GLT1D1: variants seen among roughly 807,000 people sequenced by gnomAD.
GLT1D1 encodes the protein glycosyltransferase 1 domain containing 1, also known as glycosyltransferase 1 domain-containing protein 1.
In GLT1D1, 21 loss-of-function variants were observed where a neutral mutation model predicts 28.7. The ratio of observed to expected loss-of-function variants is 0.73; its 90% CI spans 0.52 to 1.05. The LOEUF is 1.05. GLT1D1 is among the 50% of genes least tolerant of loss of function. The pLI, the probability that GLT1D1 is intolerant of heterozygous loss-of-function variation, is 0.00. For missense variants in GLT1D1, 343 were observed against 330.6 expected (o/e 1.04, Z -0.29); for synonymous variants, 147 against 124.8 (o/e 1.18, Z -1.19).
rs1475096716 is a variant in GLT1D1, at chr12:128,984,925, T to G, written c.*1835T>G. 1.3e-5 allele frequency: 2 copies of G among 152,174 alleles called. No homozygotes were observed. Among genetic ancestry groups the G allele is most frequent in the Non-Finnish European group, 2.9e-5 (2 of 68,034 alleles). 9.4% of individuals were successfully genotyped at this position (152,174 alleles called of 1,614,324 possible). A position where few individuals can be genotyped will look rare whatever the true frequency, so the allele number is the denominator to read the frequency against. ...CCTCACGCACTATGTGGGAAGGGCG[T>G]GTTTTTAAATTAATAAAGTGTGTCA... On this transcript the variant is annotated 3_prime_UTR_variant, in exon 8 of 8. Coordinates refer to ENST00000281703, the MANE Select transcript of GLT1D1 (RefSeq NM_144669.3).
intron 4 of GLT1D1, among the ~76,000 whole-genome samples, chr12:128,942,771 G>A (rs1875486484): frequency 9.5e-6 from 1 of 105,174 alleles, no homozygotes; most frequent in Admixed American, 1.0e-4. Context: ...TTTTTTTTGA[G>A]ACAGAGTCTC....
At chr12:128,919,966 TCTCTCTCTCTCTCTCTCTCTCTCTCCCC>T (rs1482971802) in intron 4 of GLT1D1, among the ~76,000 whole-genome samples, 162 of 11,620 alleles carry the variant, frequency 0.014, 3 homozygotes, top group East Asian at 0.03. Flanking sequence ...TCTCTCTCTC[TCTCTCTCTCTCTCTCTCTCTCTCTCCCC>T]CTCCATCTCT....
intron 3 of GLT1D1, among the ~76,000 whole-genome samples, 172 bp from the exon 4 acceptor site, chr12:128,899,064 A>G (rs1158459991): frequency 2.0e-5 from 3 of 152,146 alleles, no homozygotes; most frequent in Admixed American, 6.5e-5. Flanking sequence ...CTTTTTTTTG[A>G]TGTGAGTTGA....
chr12:128,872,702 T>C (rs1363744520), intron 1 of GLT1D1, among the ~76,000 whole-genome samples: 1 of 152,086 alleles, frequency 6.6e-6, no homozygotes, highest in Non-Finnish European at 1.5e-5. Context: ...CAGGTTTTAA[T>C]CAGAAAAGAG....
At chr12:128,974,430 C>T (rs903903831) in intron 7 of GLT1D1, among the ~76,000 whole-genome samples, 10 of 152,160 alleles carry the variant, frequency 6.6e-5, no homozygotes, top group Non-Finnish European at 1.0e-4. Flanking sequence ...GGTTCTCCGA[C>T]GGTCAGTGAC....
intron 4 of GLT1D1, among the ~76,000 whole-genome samples, chr12:128,908,361 T>TTTC (rs1555266884): frequency 4.2e-5 from 5 of 120,052 alleles, no homozygotes; most frequent in South Asian, 3.0e-4. Flanking sequence ...TCTTTCTTTC[T>TTTC]TTTCTTTCTT....
At chr12:128,871,102 C>T (rs761454954) in intron 1 of GLT1D1, among the ~76,000 whole-genome samples, 7 of 152,134 alleles carry the variant, frequency 4.6e-5, no homozygotes, top group Non-Finnish European at 8.8e-5. Flanking sequence ...GTCATGAGTC[C>T]CTCAGGAATG....
In GLT1D1 at chr12:128,942,735, G is replaced by GTTTTTTTTTTTTTTTTTTTTTTTT. The variant is rs1397894974; in HGVS notation, c.376-2588_376-2587insTTTTTTTTTTTTTTTTTTTTTTTT. 2.1e-4 allele frequency among the ~76,000 whole-genome samples: 19 copies of GTTTTTTTTTTTTTTTTTTTTTTTT among 89,552 alleles called. 5 individuals are homozygous for GTTTTTTTTTTTTTTTTTTTTTTTT. Among genetic ancestry groups the GTTTTTTTTTTTTTTTTTTTTTTTT allele is most frequent in the African/African-American group, 8.2e-4 (19 of 23,152 alleles). The allele number at this position is 89,552 out of a possible 152,430, so 58.7% of individuals were successfully genotyped here. On this transcript the variant is annotated intron_variant, in intron 4 of 7. Coordinates refer to ENST00000281703, the MANE Select transcript of GLT1D1 (RefSeq NM_144669.3). The stretch of plus-strand genomic sequence containing the variant: ...ATCACTTTAGATTCCAATTTTCTTT[G>GTTTTTTTTTTTTTTTTTTTTTTTT]TTTGTTTGTTTTTGTTTTTTGTTTT...
intron 4 of GLT1D1, among the ~76,000 whole-genome samples, chr12:128,905,843 T>G (rs1299904789): frequency 1.3e-5 from 2 of 151,802 alleles, no homozygotes; most frequent in East Asian, 3.9e-4. Flanking sequence ...TTTTTTTTCT[T>G]TATTAAAGGA....
Position 128,960,661 on chromosome 12 carries a change from G to T in GLT1D1, c.639+3018G>T, listed in dbSNP as rs77539294. On this transcript the variant is annotated intron_variant, in intron 7 of 7. Coordinates refer to ENST00000281703, the MANE Select transcript of GLT1D1 (RefSeq NM_144669.3). ...AATCCTGGCTACATGGGAGGGTGAG[G>T]CAGGAGAATCACTTGAACCTAGGAG... 4.1e-3 allele frequency among the ~76,000 whole-genome samples: 617 copies of T among 152,002 alleles called. 9 individuals are homozygous for T. Among genetic ancestry groups the T allele is most frequent in the African/African-American group, 0.014 (565 of 41,434 alleles).
chr12:128,898,761 C>T lies in GLT1D1; in HGVS notation c.324-475C>T, dbSNP rs540321059. Among the ~76,000 whole-genome samples, 5 of 152,300 alleles carry T rather than the reference C, an allele frequency of 3.3e-5. No individual in the cohort carries two copies. In the South Asian group the frequency reaches 1.0e-3, roughly 32 times the overall value. ...TACCTTGTTTTCTTAGTTTTGAGAT[C>T]CCTTGTGCATTTCCTAAAGAAGCAA... On this transcript the variant is annotated intron_variant, in intron 3 of 7. Coordinates refer to ENST00000281703, the MANE Select transcript of GLT1D1 (RefSeq NM_144669.3).
rs939358188 is a variant in GLT1D1, at chr12:128,945,101, G to T, written c.376-225G>T. 30 of 700,562 alleles carry T rather than the reference G, an allele frequency of 4.3e-5. No individual in the cohort carries two copies. The Admixed American group carries it at 5.9e-4, about 14-fold the overall frequency. 43.4% of individuals were successfully genotyped at this position (700,562 alleles called of 1,614,324 possible). ...TCCCGGAGCAGGTCCCCGCTGGAAA[G>T]GTGCTTTAGCTCGAAGTATTGAGTG... On this transcript the variant is annotated intron_variant, in intron 4 of 7. Coordinates refer to ENST00000281703, the MANE Select transcript of GLT1D1 (RefSeq NM_144669.3).
chr12:128,962,505 G>A (rs192594903), intron 7 of GLT1D1, among the ~76,000 whole-genome samples: 1 of 152,286 alleles, frequency 6.6e-6, no homozygotes, highest in Admixed American at 6.5e-5. Context: ...TGTGGCCTGT[G>A]CTGGGCAGGA....
intron 4 of GLT1D1, among the ~76,000 whole-genome samples, chr12:128,908,865 C>A (rs1871231909): frequency 6.6e-6 from 1 of 152,226 alleles, no homozygotes; most frequent in Admixed American, 6.5e-5. Flanking sequence ...AGGAGAATGG[C>A]GTGAACCCGG....
chr12:128,912,329 C>CTT, intron 4 of GLT1D1, 95 bp from the exon 5 acceptor site: 5 of 741,342 alleles, frequency 6.7e-6, no homozygotes, highest in Non-Finnish European at 8.7e-6. Flanking sequence ...TCCAGGACGG[C>CTT]TTTTTTTGTT....
intron 7 of GLT1D1, among the ~76,000 whole-genome samples, chr12:128,976,540 A>G (rs1879780937): frequency 6.6e-6 from 1 of 152,212 alleles, no homozygotes. Flanking sequence ...TCCCATCGAC[A>G]AGCTGTCGTA....
rs116906122 is a variant in GLT1D1 at position 128,870,534 on chromosome 12, T to C, written c.69-5380T>C. Among the ~76,000 whole-genome samples the C allele has an allele frequency of 6.6e-3, 1,006 of 152,274 alleles. 11 individuals carry two copies. The highest frequency in any genetic ancestry group is 0.044 in the East Asian group (228 of 5,180). On this transcript the variant is annotated intron_variant, in intron 1 of 7. Transcript: ENST00000281703. ...GTGCTTAGTGAATTTATTAGTTGAA[T>C]TGAATTATTACTTGACAGAAGGAGA...
At position 128,960,265 on chromosome 12, in the gene GLT1D1, C is replaced by T. The variant is rs1232903847; in HGVS notation, c.639+2622C>T. 3.9e-5 allele frequency among the ~76,000 whole-genome samples: 6 copies of T among 151,960 alleles called. No homozygotes were observed. In the East Asian group the frequency reaches 7.7e-4, roughly 20 times the overall value. ...ACACACGTTGAAAGAGTGTGCTAGA[C>T]GTGGATGTCGCACCTGGTTCAGTCT... On this transcript the variant is annotated intron_variant, in intron 7 of 7. Coordinates refer to ENST00000281703, the MANE Select transcript of GLT1D1 (RefSeq NM_144669.3).
At chr12:128,951,893 C>T (rs998339395) in intron 6 of GLT1D1, among the ~76,000 whole-genome samples, 3 of 152,230 alleles carry the variant, frequency 2.0e-5, no homozygotes, top group African/African-American at 4.8e-5. Context: ...GTTCATTTCA[C>T]GTCGTGAGTG....
Sources: gnomAD v4.1 joint callset for allele counts (sites outside exome capture counted in the v4.1 genomes callset) on GRCh38, gnomAD v4.1.1 for gene constraint, MANE v1.5 for transcripts, NCBI Gene and HGNC (gene_info 2026-07-23, HGNC 2026-07-21) for gene names.